PBX1: variants seen among roughly 807,000 people sequenced by gnomAD.
The protein encoded by PBX1 is pre-B-cell leukemia transcription factor 1.
In PBX1, 6 loss-of-function variants were observed where a neutral mutation model predicts 53.4. The ratio of observed to expected loss-of-function variants is 0.11; its 90% CI spans 0.06 to 0.22. PBX1 has a LOEUF of 0.22. PBX1 is among the 10% of genes least tolerant of loss of function. PBX1 has a pLI of 1.00. For missense variants in PBX1, 251 were observed against 551.4 expected, an observed-to-expected ratio of 0.46 and a Z score of 5.46; for synonymous variants, 204 against 212.3, an observed-to-expected ratio of 0.96 and a Z score of 0.34.
intron 2 of PBX1, chr1:164,674,848 C>CA (rs1491211432): frequency 4.1e-4 from 1 of 2,464 alleles, no homozygotes; most frequent in Non-Finnish European, 1.4e-3. Flanking sequence ...GAAATCACAG[C>CA]CCCCCCCCCC....
At chr1:164,569,817 T>C (rs1653719118) in intron 2 of PBX1, among the ~76,000 whole-genome samples, 1 of 152,132 alleles carries the variant, frequency 6.6e-6, no homozygotes, top group Non-Finnish European at 1.5e-5. Context: ...TGCCTCGGCC[T>C]CCCAGTGCTG....
rs899149048 is a variant in PBX1, at chr1:164,821,727, C to G, written c.1200+101C>G. The G allele has an allele frequency of 1.5e-5, 13 of 840,660 alleles. No individual in the cohort carries two copies. The African/African-American group carries it at 1.8e-4, about 12-fold the overall frequency. 52.1% of individuals were successfully genotyped at this position (840,660 alleles called of 1,614,324 possible). ...CAGAATGCCACTTAGTAGGGCTTATCTTAGCTTTACGGTCACCTAGTTTCT... is the reference window on the plus strand; with the variant it reads ...CAGAATGCCACTTAGTAGGGCTTATGTTAGCTTTACGGTCACCTAGTTTCT... On this transcript the variant is annotated intron_variant, in intron 8 of 8. Coordinates refer to ENST00000420696, the MANE Select transcript of PBX1 (RefSeq NM_002585.4).
Position 164,562,049 on chromosome 1 carries a change from T to G in PBX1, c.192-1189T>G, listed in dbSNP as rs576305168. On this transcript the variant is annotated intron_variant, in intron 1 of 8. Coordinates refer to ENST00000420696, the MANE Select transcript of PBX1 (RefSeq NM_002585.4). ...CTCCACTTAGTAGATAGTATGTCCT[T>G]TTTTCCTTTTTCTAGTCACACCTTT... is the stretch of plus-strand genomic sequence containing the variant. Among the ~76,000 whole-genome samples the G allele has an allele frequency of 3.9e-5, 6 of 152,260 alleles. No individual in the cohort carries two copies. The East Asian group carries it at 7.7e-4, about 20-fold the overall frequency.
chr1:164,647,285 G>C (rs2101912827), intron 2 of PBX1, among the ~76,000 whole-genome samples: 1 of 152,278 alleles, frequency 6.6e-6, no homozygotes, highest in East Asian at 1.9e-4. Context: ...CGTTGGAGGA[G>C]GAACCACTAG....
chr1:164,837,168 G>A (rs1424631351), intron 8 of PBX1, among the ~76,000 whole-genome samples: 5 of 152,174 alleles, frequency 3.3e-5, no homozygotes, highest in African/African-American at 4.8e-5. Flanking sequence ...TGTATTTCAT[G>A]TGTAGCCACC....
intron 2 of PBX1, among the ~76,000 whole-genome samples, chr1:164,633,186 G>C (rs1178054748): frequency 6.9e-6 from 1 of 145,412 alleles, no homozygotes. Flanking sequence ...CTTTTGCTCT[G>C]TTGCCCAAGC....
intron 2 of PBX1, among the ~76,000 whole-genome samples, chr1:164,876,645 C>T (rs1463850696): frequency 6.6e-6 from 1 of 152,024 alleles, no homozygotes; most frequent in Non-Finnish European, 1.5e-5. Context: ...CAGGCCAGCA[C>T]ATTAAGGTAA....
chr1:164,615,897 G>T (rs894729788), intron 2 of PBX1, among the ~76,000 whole-genome samples: 3 of 152,256 alleles, frequency 2.0e-5, no homozygotes, highest in African/African-American at 7.2e-5. Flanking sequence ...GGCCTCCCTG[G>T]GTTGGATATG....
chr1:164,847,937 T>C lies in PBX1; in HGVS notation c.*1261T>C. ...GCACTCAGGGAGCCCCATACAGTACTTACAATGTCTTTAATGGACTTGATT... is the reference window on the plus strand; with the variant it reads ...GCACTCAGGGAGCCCCATACAGTACCTACAATGTCTTTAATGGACTTGATT... On this transcript the variant is annotated 3_prime_UTR_variant, in exon 9 of 9. Coordinates refer to ENST00000420696, the MANE Select transcript of PBX1 (RefSeq NM_002585.4). 1.9e-6 allele frequency: 2 copies of C among 1,053,488 alleles called. No individual in the cohort carries two copies. Among genetic ancestry groups the C allele is most frequent in the Non-Finnish European group, 2.3e-6 (2 of 871,860 alleles). 65.3% of individuals were successfully genotyped at this position (1,053,488 alleles called of 1,614,324 possible).
chr1:164,842,808 A>G (rs1390361658), intron 8 of PBX1, among the ~76,000 whole-genome samples: 1 of 152,132 alleles, frequency 6.6e-6, no homozygotes, highest in Non-Finnish European at 1.5e-5. Flanking sequence ...AGCATTTCCA[A>G]GAGTGTGTTC....
intron 2 of PBX1, among the ~76,000 whole-genome samples, chr1:164,790,931 C>G (rs922041542): frequency 3.3e-5 from 5 of 151,996 alleles, no homozygotes; most frequent in African/African-American, 1.2e-4. Context: ...GGCACTGTCC[C>G]CCTGGGGCTC....
intron 8 of PBX1, among the ~76,000 whole-genome samples, chr1:164,825,149 C>A (rs1670388420): frequency 6.6e-6 from 1 of 151,712 alleles, no homozygotes; most frequent in Admixed American, 6.6e-5. Context: ...ACCCATTTTT[C>A]CCCTTACATT....
rs1213656170 is a variant in PBX1, at chr1:164,847,731, C to T, written c.*1055C>T. On this transcript the variant is annotated 3_prime_UTR_variant, in exon 9 of 9. Transcript: ENST00000420696. ...ACTGTAGCACTATGCCTTTTGAGCC[C>T]GAGAGAGGGAATTAGTGACTCTAAG... is the stretch of plus-strand genomic sequence containing the variant. The T allele has an allele frequency of 4.7e-6, 5 of 1,052,998 alleles. No individual in the cohort carries two copies. Among genetic ancestry groups the T allele is most frequent in the Admixed American group, 5.5e-5 (1 of 18,284 alleles). The allele number at this position is 1,052,998 out of a possible 1,614,324, so 65.2% of individuals were successfully genotyped here. A position where few individuals can be genotyped will look rare whatever the true frequency, so the allele number is the denominator to read the frequency against.
chr1:164,605,582 G>A (rs1656494931), intron 2 of PBX1, among the ~76,000 whole-genome samples: 1 of 152,112 alleles, frequency 6.6e-6, no homozygotes, highest in African/African-American at 2.4e-5. Context: ...ATACAACCCC[G>A]TTAATTGAAA....
At chr1:164,817,333 C>T in intron 6 of PBX1, 1 of 152,170 alleles carries the variant, frequency 6.6e-6, no homozygotes, top group East Asian at 1.9e-4. Flanking sequence ...ATGATAAATT[C>T]TTTCCAACTT....
intron 2 of PBX1, among the ~76,000 whole-genome samples, chr1:164,728,682 C>T (rs1664826129): frequency 6.6e-6 from 1 of 152,162 alleles, no homozygotes; most frequent in Admixed American, 6.5e-5. Context: ...GGGAAGCTTT[C>T]TCAGCCAAAG....
intron 8 of PBX1, among the ~76,000 whole-genome samples, chr1:164,836,502 T>G (rs1373756405): frequency 3.3e-5 from 5 of 152,248 alleles, no homozygotes; most frequent in Non-Finnish European, 7.3e-5. Context: ...TTCAAAATTC[T>G]TGAGCACATA....
At chr1:164,821,698 G>C (rs1331053546) in intron 8 of PBX1, 72 bp downstream of exon 8, 1 of 1,153,474 alleles carries the variant, frequency 8.7e-7, no homozygotes, top group African/African-American at 1.5e-5. Context: ...AAAGCCATAG[G>C]GCCCAGAATG....
intron 2 of PBX1, among the ~76,000 whole-genome samples, chr1:164,664,630 C>G (rs1660700082): frequency 6.6e-6 from 1 of 152,192 alleles, no homozygotes; most frequent in African/African-American, 2.4e-5. Context: ...AGTCTGTTTT[C>G]ACACTGCTGA....
Sources: gnomAD v4.1 joint callset for allele counts (sites outside exome capture counted in the v4.1 genomes callset) on GRCh38, gnomAD v4.1.1 for gene constraint, MANE v1.5 for transcripts, NCBI Gene and HGNC (gene_info 2026-07-23, HGNC 2026-07-21) for gene names.